Variants in ITGA2 observed in about 807,000 individuals in gnomAD.
The protein encoded by ITGA2 is integrin subunit alpha 2.
A neutral mutation model predicts 146.3 loss-of-function variants in ITGA2; 101 were observed. The observed-to-expected ratio is 0.69, with a 90% CI of 0.59 to 0.81. The LOEUF (loss-of-function observed/expected upper bound fraction) is 0.81. ITGA2 is among the 40% of genes least tolerant of loss of function. ITGA2 has a pLI of 0.00. For synonymous variants in ITGA2, 477 were observed against 487.1 expected (o/e 0.98, Z 0.27); for missense variants, 1,281 against 1,402.7 (o/e 0.91, Z 1.39).
chr5:52,993,550 C>A (rs1320369959), intron 1 of ITGA2, among the ~76,000 whole-genome samples: 1 of 152,118 alleles, frequency 6.6e-6, no homozygotes, highest in Non-Finnish European at 1.5e-5. Flanking sequence ...GAGTTAGTGG[C>A]TGTGAGCGGC....
At chr5:53,039,860 GT>G (rs1255809744) in intron 2 of ITGA2, among the ~76,000 whole-genome samples, 1 of 147,598 alleles carries the variant, frequency 6.8e-6, no homozygotes, top group Non-Finnish European at 1.5e-5. Flanking sequence ...ATTTGCTGTT[GT>G]TTTTTTTAAC....
Position 53,051,206 on chromosome 5 carries a change from G to A in ITGA2, c.631-205G>A, listed in dbSNP as rs191685316. Among the ~76,000 whole-genome samples, 9 of 152,262 alleles carry A rather than the reference G, an allele frequency of 5.9e-5. No individual in the cohort carries two copies. In the East Asian group the frequency reaches 1.7e-3, roughly 29 times the overall value. ...TAGCACATCATCTTTCTTGGCAATAGTACTGCTGTTGTACACTGATGGCCT... is the reference window on the plus strand; with the variant it reads ...TAGCACATCATCTTTCTTGGCAATAATACTGCTGTTGTACACTGATGGCCT... On this transcript the variant is annotated intron_variant, in intron 6 of 29. Coordinates refer to ENST00000296585, the MANE Select transcript of ITGA2 (RefSeq NM_002203.4).
At chr5:53,002,949 A>T (rs1013850721) in intron 1 of ITGA2, among the ~76,000 whole-genome samples, 4 of 152,172 alleles carry the variant, frequency 2.6e-5, no homozygotes, top group East Asian at 3.9e-4. Context: ...TTGAAAAAAA[A>T]TATTTTTAGA....
intron 1 of ITGA2, among the ~76,000 whole-genome samples, chr5:52,992,004 C>T (rs1740983324): frequency 6.6e-6 from 1 of 152,036 alleles, no homozygotes; most frequent in African/African-American, 2.4e-5. Flanking sequence ...TCCTTCCACC[C>T]AGGTTCTAGA....
At chr5:53,063,005 TTTA>T (rs1744971513) in intron 13 of ITGA2, 76 bp downstream of exon 13, 2 of 1,163,908 alleles carry the variant, frequency 1.7e-6, no homozygotes. Flanking sequence ...GAAAGAAAAA[TTTA>T]TTATTATTGA....
At position 53,074,270 on chromosome 5, in the gene ITGA2, A is replaced by G. The variant is rs1433143064; in HGVS notation, c.2572-115A>G. 3.2e-5 allele frequency: 25 copies of G among 781,618 alleles called. No individual in the cohort carries two copies. The East Asian group carries it at 4.5e-4, about 14-fold the overall frequency. The allele number at this position is 781,618 out of a possible 1,614,324, so 48.4% of individuals were successfully genotyped here. A position where few individuals can be genotyped will look rare whatever the true frequency, so the allele number is the denominator to read the frequency against. ...GTCTTGAGGTATAATAAATTATTTC[A>G]GTATGAACCAACCTTACTGCTAAAA... On this transcript the variant is annotated intron_variant, in intron 20 of 29. Transcript: ENST00000296585.
Position 53,056,085 on chromosome 5 carries a change from G to A in ITGA2, c.1032G>A (p.Val344=), listed in dbSNP as rs1191546965. The change falls in exon 9 of 30, where the codon GTG becomes GTA. Residue 344 remains valine (V), a synonymous_variant. Coordinates refer to ENST00000296585, the MANE Select transcript of ITGA2 (RefSeq NM_002203.4). The part of the protein sequence containing the change: ...SIPTERYFFN[V]SDEAALLEKA... The stretch of plus-strand genomic sequence containing the variant: ...CAACAGAAAGATACTTTTTCAATGT[G>A]TCTGATGAAGCAGCTCTACTAGAAA... 4 of 1,611,774 alleles carry A rather than the reference G, an allele frequency of 2.5e-6. No individual in the cohort carries two copies. The highest frequency in any genetic ancestry group is 3.4e-6 in the Non-Finnish European group (4 of 1,178,742).
At chr5:53,015,820 A>C (rs1742376796) in intron 1 of ITGA2, among the ~76,000 whole-genome samples, 2 of 152,134 alleles carry the variant, frequency 1.3e-5, no homozygotes. Flanking sequence ...TGTTGAATTG[A>C]ACTCTTTACA....
intron 16 of ITGA2, among the ~76,000 whole-genome samples, 194 bp from the exon 17 acceptor site, chr5:53,069,915 A>G (rs1465631944): frequency 1.3e-5 from 2 of 151,844 alleles, no homozygotes; most frequent in Non-Finnish European, 2.9e-5. Context: ...ATGCACAGTC[A>G]CCTACGTCAC....
rs559918282 is a variant in ITGA2, at chr5:53,076,189, C to A, written c.2825+885C>A. 5.9e-5 allele frequency among the ~76,000 whole-genome samples: 9 copies of A among 152,082 alleles called. No individual in the cohort carries two copies. In the East Asian group the frequency reaches 1.8e-3, roughly 30 times the overall value. On this transcript the variant is annotated intron_variant, in intron 23 of 29. Transcript: ENST00000296585. Reference sequence around the variant, plus strand: ...CAGGCCTGGGAACCAGAGTTCTCTACCTGGTGAAGCAATAGGACAGCTTCC... The same window carrying A: ...CAGGCCTGGGAACCAGAGTTCTCTAACTGGTGAAGCAATAGGACAGCTTCC...
intron 1 of ITGA2, among the ~76,000 whole-genome samples, chr5:53,005,308 C>G (rs1315212535): frequency 6.6e-6 from 1 of 151,982 alleles, no homozygotes; most frequent in Non-Finnish European, 1.5e-5. Context: ...TATAAATTTG[C>G]TCAGGATATA....
Position 53,083,367 on chromosome 5 carries a change from G to A in ITGA2, c.3172G>A (p.Val1058Ile). Reference protein sequence around the residue: ...LNCRTASCSNVTCWLKDVHMK... With the variant: ...LNCRTASCSNITCWLKDVHMK... The stretch of plus-strand genomic sequence containing the variant: ...CTGCAGAACTGCTTCCTGTAGTAAT[G>A]TTACCTGCTGGTTGAAAGACGTTCA... Residue 1058 changes from valine (V) to isoleucine (I), a missense_variant, in exon 27 of 30, where the codon GTT becomes ATT. Physicochemically the swap from Val to Ile is conservative, Grantham distance 29. This residue lies in a region of ITGA2 where 475 missense variants were observed against 530.5 expected (regional missense o/e 0.90). Transcript: ENST00000296585. 3 of 1,612,830 alleles carry A rather than the reference G, an allele frequency of 1.9e-6. No homozygotes were observed. The African/African-American group carries it at 4.0e-5, about 22-fold the overall frequency.
chr5:53,032,826 T>C (rs1743286190), intron 2 of ITGA2, among the ~76,000 whole-genome samples: 1 of 152,154 alleles, frequency 6.6e-6, no homozygotes, highest in Admixed American at 6.5e-5. Flanking sequence ...ATGAATATAC[T>C]CAGGAGCCGG....
At chr5:53,054,531 C>T (rs577954232) in intron 7 of ITGA2, among the ~76,000 whole-genome samples, 1 of 152,194 alleles carries the variant, frequency 6.6e-6, no homozygotes, top group Admixed American at 6.5e-5. Flanking sequence ...ATATTTATTA[C>T]AGCCTTACTT....
chr5:53,016,609 T>G (rs1480750654), intron 1 of ITGA2, among the ~76,000 whole-genome samples: 34 of 152,174 alleles, frequency 2.2e-4, no homozygotes, highest in Admixed American at 9.8e-4. Flanking sequence ...TTCTCTGCAT[T>G]TCCTGAATTT....
At chr5:53,060,428 C>T (rs769011755) in intron 11 of ITGA2, among the ~76,000 whole-genome samples, 1 of 151,932 alleles carries the variant, frequency 6.6e-6, no homozygotes, top group Non-Finnish European at 1.5e-5. Context: ...ACATTTAAAT[C>T]TTTCCAACAA....
chr5:53,014,760 C>G (rs1742318652), intron 1 of ITGA2, among the ~76,000 whole-genome samples: 1 of 151,978 alleles, frequency 6.6e-6, no homozygotes, highest in African/African-American at 2.4e-5. Context: ...CTTTTTATTA[C>G]TCATTCAATT....
Position 52,989,447 on chromosome 5 carries a change from C to T in ITGA2, c.-22C>T. 6.2e-7 allele frequency: 1 copy of T among 1,613,674 alleles called. No homozygotes were observed. The highest frequency in any genetic ancestry group is 8.5e-7 in the Non-Finnish European group (1 of 1,179,530). On this transcript the variant is annotated 5_prime_UTR_variant, in exon 1 of 30. The change creates a new upstream start codon in the 5' untranslated region. Coordinates refer to ENST00000296585, the MANE Select transcript of ITGA2 (RefSeq NM_002203.4). ...AACCTCTGCAAACCCAGCGCAACTA[C>T]GGTCCCCCGGTCAGACCCAGGATGG...
rs755214287 is a variant in ITGA2, at chr5:53,048,635, C to A, written c.503-8C>A. ...GGAAATCTGCTTCTTTCCTCTTTTC[C>A]TGTGTAGCCTGCCCTTCCCTCATAG... is the stretch of plus-strand genomic sequence containing the variant. On this transcript the variant is annotated splice_polypyrimidine_tract_variant and splice_region_variant and intron_variant, in intron 5 of 29. Transcript: ENST00000296585. The A allele has an allele frequency of 1.2e-6, 2 of 1,614,042 alleles. No individual in the cohort carries two copies. Among genetic ancestry groups the A allele is most frequent in the Non-Finnish European group, 1.7e-6 (2 of 1,179,964 alleles).
Sources: allele counts gnomAD v4.1 joint callset (sites outside exome capture counted in the v4.1 genomes callset), GRCh38; gene constraint gnomAD v4.1.1; regional missense constraint gnomAD v4.1.1; transcripts MANE v1.5; gene names NCBI Gene and HGNC (gene_info 2026-07-23, HGNC 2026-07-21).